TXNRD2: variants seen among roughly 807,000 people sequenced by gnomAD.
The protein encoded by TXNRD2 is thioredoxin reductase 2, mitochondrial.
A neutral mutation model predicts 70.8 loss-of-function variants in TXNRD2; 67 were observed. That is an observed-to-expected ratio of 0.95 (90% confidence interval 0.78 to 1.16). TXNRD2 has a LOEUF of 1.16. TXNRD2 is among the 50% of genes most tolerant of loss of function. TXNRD2 has a pLI of 0.00. For synonymous variants in TXNRD2, 301 were observed against 295.8 expected (o/e 1.02, Z -0.18); for missense variants, 644 against 719.9 (o/e 0.89, Z 1.21).
intron 1 of TXNRD2, chr22:19,932,236 G>A: frequency 6.4e-7 from 1 of 1,564,306 alleles, no homozygotes; most frequent in Non-Finnish European, 8.8e-7. Context: ...ACACAGCCAG[G>A]GTCTTGGTGT....
At chr22:19,937,320 C>T (rs887281183) in intron 1 of TXNRD2, among the ~76,000 whole-genome samples, 8 of 152,198 alleles carry the variant, frequency 5.3e-5, no homozygotes, top group African/African-American at 1.9e-4. Context: ...GGATAAATTA[C>T]GCACCCCAGG....
chr22:19,883,293 C>T, intron 12 of TXNRD2, 32 bp downstream of exon 12: 4 of 1,608,434 alleles, frequency 2.5e-6, no homozygotes, highest in Non-Finnish European at 3.4e-6. Context: ...CAGGCAGGGG[C>T]AGGGGCCCTG....
intron 1 of TXNRD2, among the ~76,000 whole-genome samples, chr22:19,938,403 C>A (rs1235041329): frequency 6.6e-6 from 1 of 152,204 alleles, no homozygotes; most frequent in Non-Finnish European, 1.5e-5. Flanking sequence ...GAAAAAGCCG[C>A]TTATTGGATT....
intron 12 of TXNRD2, among the ~76,000 whole-genome samples, chr22:19,882,464 G>C (rs1271212476): frequency 6.6e-6 from 1 of 152,146 alleles, no homozygotes; most frequent in Non-Finnish European, 1.5e-5. Context: ...GTCCCAAAGT[G>C]CTGGGATTAC....
chr22:19,915,653 TCCAGCAG>T, intron 6 of TXNRD2, 105 bp downstream of exon 6: 1 of 977,692 alleles, frequency 1.0e-6, no homozygotes, highest in Admixed American at 1.9e-5. Context: ...CCTTTTTGAT[TCCAGCAG>T]CACGTGTTAC....
At chr22:19,897,505 G>A (rs12168841) in intron 10 of TXNRD2, among the ~76,000 whole-genome samples, 37,913 of 152,144 alleles carry the variant, frequency 0.25, 6,404 homozygotes, top group African/African-American at 0.48. Flanking sequence ...GGCCACATGA[G>A]TGTGTGTACC....
chr22:19,912,025 G>C (rs1330590895), intron 7 of TXNRD2, among the ~76,000 whole-genome samples: 1 of 152,164 alleles, frequency 6.6e-6, no homozygotes, highest in Non-Finnish European at 1.5e-5. Flanking sequence ...AGGTGGGCAG[G>C]GACTGAGGGG....
chr22:19,877,411 A>G (rs533916369), intron 16 of TXNRD2, among the ~76,000 whole-genome samples, 177 bp from the exon 17 acceptor site: 1 of 151,966 alleles, frequency 6.6e-6, no homozygotes, highest in Admixed American at 6.5e-5. Context: ...CCTCCCTCCC[A>G]GCAGATGCCT....
At chr22:19,880,595 C>T (rs1938723309) in intron 13 of TXNRD2, 27 bp downstream of exon 13, 2 of 1,604,206 alleles carry the variant, frequency 1.2e-6, no homozygotes, top group African/African-American at 1.3e-5. Flanking sequence ...TCCTAGGCTG[C>T]ACGTGGCGTC....
At chr22:19,901,714 G>A (rs1472642718) in intron 8 of TXNRD2, among the ~76,000 whole-genome samples, 3 of 152,166 alleles carry the variant, frequency 2.0e-5, no homozygotes, top group East Asian at 3.8e-4. Flanking sequence ...CCCAAAGACA[G>A]GGACCTACAG....
intron 11 of TXNRD2, chr22:19,894,932 T>C: frequency 7.6e-7 from 1 of 1,311,048 alleles, no homozygotes; most frequent in Non-Finnish European, 9.9e-7. Context: ...AGGTTGCCAC[T>C]GCACTCCAGC....
intron 13 of TXNRD2, among the ~76,000 whole-genome samples, 154 bp from the exon 14 acceptor site, chr22:19,880,425 C>T (rs1417619086): frequency 2.0e-5 from 3 of 152,204 alleles, no homozygotes; most frequent in Admixed American, 6.5e-5. Context: ...CCCACGCCTG[C>T]GCCACACTCT....
intron 7 of TXNRD2, among the ~76,000 whole-genome samples, chr22:19,911,803 C>G (rs969082154): frequency 6.6e-6 from 1 of 152,166 alleles, no homozygotes; most frequent in African/African-American, 2.4e-5. Flanking sequence ...CAAGTCTGCC[C>G]GGGTTCTGGA....
At chr22:19,890,565 G>A (rs542380532) in intron 11 of TXNRD2, among the ~76,000 whole-genome samples, 4 of 152,108 alleles carry the variant, frequency 2.6e-5, no homozygotes, top group Admixed American at 6.5e-5. Context: ...TGGGCCCACC[G>A]CAGCCCCCTC....
intron 9 of TXNRD2, 109 bp from the exon 10 acceptor site, chr22:19,898,239 C>A: frequency 2.0e-6 from 2 of 1,025,152 alleles, no homozygotes; most frequent in Non-Finnish European, 2.9e-6. Flanking sequence ...ATGGCTGGCC[C>A]TGGAGGAGGC....
At chr22:19,916,758 C>A (rs1357951788) in intron 5 of TXNRD2, among the ~76,000 whole-genome samples, 1 of 151,876 alleles carries the variant, frequency 6.6e-6, no homozygotes, top group African/African-American at 2.4e-5. Flanking sequence ...GCATGGGCAA[C>A]CATACCTGGC....
chr22:19,885,344 G>A (rs1045960347), intron 11 of TXNRD2, among the ~76,000 whole-genome samples: 3 of 152,316 alleles, frequency 2.0e-5, no homozygotes, highest in African/African-American at 4.8e-5. Context: ...TGCGGGTGGC[G>A]CCCACCTAAG....
intron 2 of TXNRD2, among the ~76,000 whole-genome samples, chr22:19,924,369 C>A (rs1278856235): frequency 6.6e-6 from 1 of 152,210 alleles, no homozygotes; most frequent in Admixed American, 6.5e-5. Flanking sequence ...CCACCACCCC[C>A]CGCACCCTAA....
intron 8 of TXNRD2, among the ~76,000 whole-genome samples, chr22:19,905,692 C>A (rs1269001870): frequency 2.6e-5 from 4 of 152,096 alleles, no homozygotes; most frequent in Non-Finnish European, 5.9e-5. Context: ...ACAAAGCATC[C>A]TGCAGGGGCT....
Sources: allele counts gnomAD v4.1 joint callset (sites outside exome capture counted in the v4.1 genomes callset), GRCh38; gene constraint gnomAD v4.1.1; transcripts MANE v1.5; gene names NCBI Gene and HGNC (gene_info 2026-07-23, HGNC 2026-07-21).